CLCN5: variants seen among roughly 807,000 people sequenced by gnomAD.
The protein encoded by CLCN5 is Cl-/H+ antiporter 5.
CLCN5 carries 17 observed loss-of-function variants against 54.0 expected under a neutral mutation model. The observed-to-expected ratio is 0.31, with a 90% CI of 0.22 to 0.47. The LOEUF (loss-of-function observed/expected upper bound fraction) is 0.47. Ranked by LOEUF, CLCN5 falls within the 20% of genes least tolerant of loss-of-function variation. The pLI, the probability that CLCN5 is intolerant of heterozygous loss-of-function variation, is 1.00. For synonymous variants in CLCN5, 222 were observed against 233.0 expected (o/e 0.95, Z 0.43); for missense variants, 448 against 646.7 (o/e 0.69, Z 3.33).
intron 9 of CLCN5, 31 bp downstream of exon 9, chrX:50,081,878 T>C: frequency 3.5e-6 from 4 of 1,138,591 alleles, no homozygotes; most frequent in Non-Finnish European, 4.8e-6. Context: ...TAGTCTCTTT[T>C]TGGTTGTGAG....
chrX:49,922,627 G>GCGCGCCCGCTT lies in CLCN5; in HGVS notation c.-366_-356dup, dbSNP rs1925111819. 8.8e-6 allele frequency: 1 copy of GCGCGCCCGCTT among 113,089 alleles called. No homozygotes were observed. Among genetic ancestry groups the GCGCGCCCGCTT allele is most frequent in the South Asian group, 3.6e-4 (1 of 2,790 alleles). The allele number at this position is 113,089 out of a possible 1,213,427, so 9.3% of individuals were successfully genotyped here. A position where few individuals can be genotyped will look rare whatever the true frequency, so the allele number is the denominator to read the frequency against. On this transcript the variant is annotated 5_prime_UTR_variant, in exon 1 of 15. An upstream open reading frame in the 5' UTR loses its in-frame stop. Transcript: ENST00000376091. ...CGCGAGGCGCCCTGTCACATGAGCCGCGCGCCCGCTTCGCTCCCCCTCCTC... is the reference window on the plus strand; with the variant it reads ...CGCGAGGCGCCCTGTCACATGAGCCGCGCGCCCGCTTCGCGCCCGCTTCGCTCCCCCTCCTC...
chrX:49,952,274 A>G (rs1472842233), intron 3 of CLCN5, among the ~76,000 whole-genome samples: 1 of 110,953 alleles, frequency 9.0e-6, no homozygotes, highest in Non-Finnish European at 1.9e-5. Flanking sequence ...TCACTCCACC[A>G]GTACCACTAT....
At chrX:50,007,484 G>T (rs1287626728) in intron 3 of CLCN5, among the ~76,000 whole-genome samples, 3 of 101,253 alleles carry the variant, frequency 3.0e-5, no homozygotes, top group Non-Finnish European at 6.0e-5. Flanking sequence ...AGAGAGAGTG[G>T]AACTTCTGAT....
chrX:50,005,226 TAG>T (rs1930095891), intron 3 of CLCN5, among the ~76,000 whole-genome samples: 1 of 111,800 alleles, frequency 8.9e-6, no homozygotes, highest in Non-Finnish European at 1.9e-5. Flanking sequence ...TGTAAACTGA[TAG>T]TTGCATCTGG....
chrX:50,064,190 T>C (rs1346061925), intron 4 of CLCN5, among the ~76,000 whole-genome samples: 3 of 110,662 alleles, frequency 2.7e-5, no homozygotes, highest in African/African-American at 6.6e-5. Flanking sequence ...AGATAAAGGG[T>C]GTTCAATTAG....
At chrX:50,001,467 C>T (rs782582536) in intron 3 of CLCN5, among the ~76,000 whole-genome samples, 33 of 109,841 alleles carry the variant, frequency 3.0e-4, no homozygotes, top group African/African-American at 1.0e-3. Context: ...CCCATTTACT[C>T]TTTTTTTTAA....
chrX:50,065,813 C>T (rs1344421418), intron 4 of CLCN5, among the ~76,000 whole-genome samples: 2 of 102,026 alleles, frequency 2.0e-5, no homozygotes, highest in East Asian at 3.1e-4. Context: ...ACATATACAC[C>T]ATGGAATACT....
intron 3 of CLCN5, among the ~76,000 whole-genome samples, chrX:50,042,027 TG>T (rs1239751795): frequency 8.9e-6 from 1 of 112,146 alleles, no homozygotes; most frequent in Non-Finnish European, 1.9e-5. Context: ...TGTCACATAT[TG>T]TGTGATTTCA....
At chrX:50,027,339 T>A (rs1931461766) in intron 3 of CLCN5, among the ~76,000 whole-genome samples, 1 of 111,951 alleles carries the variant, frequency 8.9e-6, no homozygotes, top group Admixed American at 9.5e-5. Flanking sequence ...TTTCTTCTCC[T>A]TCTGGTATTC....
chrX:50,056,210 G>T (rs1294849169), intron 4 of CLCN5, among the ~76,000 whole-genome samples: 1 of 110,722 alleles, frequency 9.0e-6, no homozygotes, highest in Non-Finnish European at 1.9e-5. Flanking sequence ...GTTTCCTTCT[G>T]GAAATTAATA....
chrX:50,050,904 C>T (rs1460209274), intron 4 of CLCN5, among the ~76,000 whole-genome samples: 4 of 110,480 alleles, frequency 3.6e-5, no homozygotes, highest in Non-Finnish European at 7.6e-5. Context: ...CCTCGTGATC[C>T]GCCCACCTCG....
chrX:50,023,554 A>T, intron 3 of CLCN5, among the ~76,000 whole-genome samples: 1 of 22,419 alleles, frequency 4.5e-5, no homozygotes, highest in Non-Finnish European at 6.5e-5. Context: ...TCATTAGTTG[A>T]TGCAGTTTCT....
chrX:50,084,637 G>C (rs1353243825), intron 9 of CLCN5, among the ~76,000 whole-genome samples: 2 of 111,858 alleles, frequency 1.8e-5, no homozygotes, highest in African/African-American at 6.5e-5. Context: ...TCCTGCCTCA[G>C]CCTCCCAAAG....
At chrX:50,069,420 C>A in intron 4 of CLCN5, 1 of 597,399 alleles carries the variant, frequency 1.7e-6, no homozygotes, top group Non-Finnish European at 2.0e-6. Flanking sequence ...AAGAGGCCCA[C>A]ATGCTTTATT....
intron 3 of CLCN5, among the ~76,000 whole-genome samples, chrX:49,974,644 T>C (rs1212472454): frequency 8.9e-6 from 1 of 112,042 alleles, no homozygotes; most frequent in African/African-American, 3.2e-5. Flanking sequence ...AGCCCATCTC[T>C]ATCTGATTCC....
Position 50,081,650 on chromosome X carries a change from A to G in CLCN5, c.736A>G (p.Ile246Val), listed in dbSNP as rs1238206648. The G allele has an allele frequency of 2.5e-6, 3 of 1,201,976 alleles. No homozygotes were observed. The highest frequency in any genetic ancestry group is 1.8e-5 in the African/African-American group (1 of 57,000). Reference protein sequence around the residue: ...CGSGIPEIKTILSGFIIRGYL... With the variant: ...CGSGIPEIKTVLSGFIIRGYL... ...TGTGTTTAACCTGCAGATAAAAACTATCTTGAGTGGTTTCATTATTAGGGG... is the reference window on the plus strand; with the variant it reads ...TGTGTTTAACCTGCAGATAAAAACTGTCTTGAGTGGTTTCATTATTAGGGG... Residue 246 changes from isoleucine (I) to valine (V), a missense_variant, in exon 9 of 15, where the codon ATC (isoleucine) becomes GTC (valine). Ile to Val is a conservative substitution (Grantham distance 29). This residue lies in a region of CLCN5 where 297 missense variants were observed against 470.4 expected (regional missense o/e 0.63). Coordinates refer to ENST00000376091, the MANE Select transcript of CLCN5 (RefSeq NM_001127898.4).
At chrX:50,019,053 G>C (rs1377822090) in intron 3 of CLCN5, among the ~76,000 whole-genome samples, 1 of 111,862 alleles carries the variant, frequency 8.9e-6, no homozygotes, top group Non-Finnish European at 1.9e-5. Context: ...ATACACTAGT[G>C]AATCCATCTG....
chrX:50,050,424 G>T (rs1932538768), intron 4 of CLCN5: 1 of 111,073 alleles, frequency 9.0e-6, no homozygotes, highest in African/African-American at 3.3e-5. Flanking sequence ...GTATGTAGTG[G>T]TATCTCATTG....
rs782053411 is a variant in CLCN5, at chrX:49,946,423, C to T, written c.16+21109C>T. Among the ~76,000 whole-genome samples the T allele has an allele frequency of 5.2e-4, 58 of 111,261 alleles. 1 individual carries two copies. In the South Asian group the frequency reaches 0.01, roughly 19 times the overall value. ...TCTTCCAAGCTCATGTGATTGTTGGCAGAATTTAGTTCTTTGTGGTTGTGG... is the reference window on the plus strand; with the variant it reads ...TCTTCCAAGCTCATGTGATTGTTGGTAGAATTTAGTTCTTTGTGGTTGTGG... On this transcript the variant is annotated intron_variant, in intron 3 of 14. Coordinates refer to ENST00000376091, the MANE Select transcript of CLCN5 (RefSeq NM_001127898.4).
Sources: allele counts gnomAD v4.1 joint callset (sites outside exome capture counted in the v4.1 genomes callset), GRCh38; gene constraint gnomAD v4.1.1; regional missense constraint gnomAD v4.1.1; transcripts MANE v1.5; gene names NCBI Gene and HGNC (gene_info 2026-07-23, HGNC 2026-07-21).